PRSS21: variants seen among roughly 807,000 people sequenced by gnomAD.
PRSS21 encodes the protein serine protease 21.
A neutral mutation model predicts 31.1 loss-of-function variants in PRSS21; 40 were observed. The observed-to-expected ratio is 1.29, with a 90% CI of 1.00 to 1.68. The LOEUF (loss-of-function observed/expected upper bound fraction) is 1.68, where lower values mean the gene tolerates loss of function less well. PRSS21 is among the 40% of genes most tolerant of loss of function. PRSS21 has a pLI of 0.00. For missense variants in PRSS21, 467 were observed against 412.6 expected, an observed-to-expected ratio of 1.13 and a Z score of -1.14; for synonymous variants, 186 against 167.7, an observed-to-expected ratio of 1.11 and a Z score of -0.84.
In PRSS21 at chr16:2,817,710, G is replaced by T; in HGVS notation, c.92-91G>T. Reference sequence around the variant, plus strand: ...GGGGACCCTGGGTGGGCAAAAACGTGCTTTCCCGGACGGGGTTGAAGGGGA... The same window carrying T: ...GGGGACCCTGGGTGGGCAAAAACGTTCTTTCCCGGACGGGGTTGAAGGGGA... On this transcript the variant is annotated intron_variant, in intron 2 of 5. Transcript: ENST00000005995. The surrounding 1 kb of genome is among the most constrained non-coding windows in gnomAD (Gnocchi z 4.2). 6.8e-7 allele frequency: 1 copy of T among 1,477,776 alleles called. No individual in the cohort carries two copies. The highest frequency in any genetic ancestry group is 1.3e-5 in the South Asian group (1 of 77,002). 91.5% of individuals were successfully genotyped at this position (1,477,776 alleles called of 1,614,324 possible). A position where few individuals can be genotyped will look rare whatever the true frequency, so the allele number is the denominator to read the frequency against.
intron 4 of PRSS21, among the ~76,000 whole-genome samples, chr16:2,819,319 G>A (rs905393096): frequency 3.9e-5 from 6 of 152,070 alleles, no homozygotes; most frequent in East Asian, 1.9e-4. Context: ...CAGGCTCCTG[G>A]GCTGCCTCTC....
intron 4 of PRSS21, 36 bp from the exon 5 acceptor site, chr16:2,820,919 T>A: frequency 6.2e-7 from 1 of 1,604,332 alleles, no homozygotes; most frequent in African/African-American, 1.3e-5. Context: ...GGGCCTCAGG[T>A]TGCTGTCTCT....
In PRSS21 at chr16:2,821,460, G is replaced by A. The variant is rs373279711; in HGVS notation, c.800G>A (p.Arg267Gln). Residue 267 changes from arginine to glutamine, a missense_variant, in exon 6 of 6, where the codon CGG (arginine) becomes CAG (glutamine). Physicochemically the swap from Arg to Gln is conservative, Grantham distance 43. Transcript: ENST00000005995. Reference protein sequence around the residue: ...SWGVGCGRPNRPGVYTNISHH... With the variant: ...SWGVGCGRPNQPGVYTNISHH... ...GGAGTGGGCTGTGGTCGGCCCAATC[G>A]GCCCGGTGTCTACACCAATATCAGC... 1.2e-5 allele frequency: 19 copies of A among 1,614,082 alleles called. No individual in the cohort carries two copies. The highest frequency in any genetic ancestry group is 2.2e-5 in the East Asian group (1 of 44,886).
Position 2,817,650 on chromosome 16 carries a change from T to C in PRSS21, c.92-151T>C. On this transcript the variant is annotated intron_variant, in intron 2 of 5. Transcript: ENST00000005995. The surrounding 1 kb of genome is among the most constrained non-coding windows in gnomAD (Gnocchi z 4.2). The stretch of plus-strand genomic sequence containing the variant: ...GCCCTGCAGAGCACGTGGGAGGATC[T>C]CCAGTGTCACCTACTTCCTGCTGCA... 7.9e-7 allele frequency: 1 copy of C among 1,265,344 alleles called. No homozygotes were observed. The allele number at this position is 1,265,344 out of a possible 1,614,324, so 78.4% of individuals were successfully genotyped here. A position where few individuals can be genotyped will look rare whatever the true frequency, so the allele number is the denominator to read the frequency against.
chr16:2,817,334 T>C lies in PRSS21; in HGVS notation c.64+2T>C, dbSNP rs371356848. The C allele has an allele frequency of 6.6e-5, 103 of 1,553,970 alleles. No homozygotes were observed. The African/African-American group carries it at 1.1e-3, about 17-fold the overall frequency. On this transcript the variant is annotated splice_donor_variant, in intron 1 of 5. Coordinates refer to ENST00000005995, the MANE Select transcript of PRSS21 (RefSeq NM_006799.4). LOFTEE classifies it high-confidence loss of function. This position sits in a 1 kb window ranked among gnomAD's most constrained non-coding sequence, Gnocchi z 4.2. ...CTCGGGCTGGACTCAGGAAGCCGGG[T>C]GAGCTCGGGGCGCTGCTGGCGGGAT... is the stretch of plus-strand genomic sequence containing the variant.
At position 2,817,751 on chromosome 16, in the gene PRSS21, G is replaced by A. The variant is rs1314568251; in HGVS notation, c.92-50G>A. On this transcript the variant is annotated intron_variant, in intron 2 of 5. Transcript: ENST00000005995. This position sits in a 1 kb window ranked among gnomAD's most constrained non-coding sequence, Gnocchi z 4.2. ...TTGAAGGGGAGAAAGGGAGAGGTCG[G>A]GCTTGGGGGGCTGCCTCCCGCGGCT... 1 of 1,536,042 alleles carries A rather than the reference G, an allele frequency of 6.5e-7. No homozygotes were observed.
Position 2,821,103 on chromosome 16 carries a change from C to T in PRSS21, c.699C>T (p.Ala233=), listed in dbSNP as rs1316583897. The T allele has an allele frequency of 6.2e-7, 1 of 1,613,986 alleles. No individual in the cohort carries two copies. The highest frequency in any genetic ancestry group is 8.5e-7 in the Non-Finnish European group (1 of 1,179,984). ...GCAATGCCCAAGGCGGGAAGGATGC[C>T]TGCTTCGTGAGTGTCCTTGCCACCA... ...CAGNAQGGKD[A]CFGDSGGPLA... is the part of the protein sequence containing the mutation. The change falls in exon 5 of 6, where the codon GCC becomes GCT. Residue 233 remains alanine (A), a synonymous_variant. Coordinates refer to ENST00000005995, the MANE Select transcript of PRSS21 (RefSeq NM_006799.4).
chr16:2,821,191 G>T, intron 5 of PRSS21, 82 bp downstream of exon 5: 1 of 1,576,094 alleles, frequency 6.3e-7, no homozygotes, highest in East Asian at 2.2e-5. Context: ...CCAACCCCGG[G>T]AGGTGGAGAC....
chr16:2,817,602 G>A lies in PRSS21; in HGVS notation c.91+146G>A, dbSNP rs2069098196. 2 of 1,328,572 alleles carry A rather than the reference G, an allele frequency of 1.5e-6. No homozygotes were observed. The highest frequency in any genetic ancestry group is 2.0e-6 in the Non-Finnish European group (2 of 989,848). The allele number at this position is 1,328,572 out of a possible 1,614,324, so 82.3% of individuals were successfully genotyped here. ...TCTGTTGGCGTGGAAAGTAACTAAC[G>A]GACGCTGGAGGGGGATGGGCGGGCC... On this transcript the variant is annotated intron_variant, in intron 2 of 5. Coordinates refer to ENST00000005995, the MANE Select transcript of PRSS21 (RefSeq NM_006799.4). This position sits in a 1 kb window ranked among gnomAD's most constrained non-coding sequence, Gnocchi z 4.2.
At position 2,818,809 on chromosome 16, in the gene PRSS21, C is replaced by T; in HGVS notation, c.390C>T (p.Tyr130=). 2 of 1,613,812 alleles carry T rather than the reference C, an allele frequency of 1.2e-6. No homozygotes were observed. Among genetic ancestry groups the T allele is most frequent in the Non-Finnish European group, 1.7e-6 (2 of 1,179,644 alleles). The change falls in exon 4 of 6, where the codon TAC becomes TAT. Residue 130 remains tyrosine, a synonymous_variant. Coordinates refer to ENST00000005995, the MANE Select transcript of PRSS21 (RefSeq NM_006799.4). The stretch of plus-strand genomic sequence containing the variant: ...CGAATATCTATCTGAGCCCTCGCTA[C>T]CTGGGGAATTCACCCTATGACATTG... The part of the protein sequence containing the change: ...FVSNIYLSPR[Y]LGNSPYDIAL...
chr16:2,821,654 G>A lies in PRSS21; in HGVS notation c.*49G>A, dbSNP rs1475852007. Reference sequence around the variant, plus strand: ...GGGGCCACTGCCAAGTCAGGCCCTGGTTCTCTTCTGTCTTGTTTGGTAATA... The same window carrying A: ...GGGGCCACTGCCAAGTCAGGCCCTGATTCTCTTCTGTCTTGTTTGGTAATA... On this transcript the variant is annotated 3_prime_UTR_variant, in exon 6 of 6. Transcript: ENST00000005995. 1 of 1,582,424 alleles carries A rather than the reference G, an allele frequency of 6.3e-7. No individual in the cohort carries two copies. The highest frequency in any genetic ancestry group is 2.2e-5 in the East Asian group (1 of 44,460).
At chr16:2,818,532 TG>T in intron 3 of PRSS21, 144 bp from the exon 4 acceptor site, 1 of 796,826 alleles carries the variant, frequency 1.3e-6, no homozygotes. Flanking sequence ...GTGGTCTGTC[TG>T]GGCTCCTTCA....
Position 2,817,946 on chromosome 16 carries a change from G to C in PRSS21, c.237G>C (p.Thr79=), listed in dbSNP as rs768155804. 1.3e-6 allele frequency: 2 copies of C among 1,549,106 alleles called. No homozygotes were observed. Among genetic ancestry groups the C allele is most frequent in the African/African-American group, 1.4e-5 (1 of 73,160 alleles). Residue 79 remains threonine (T), a synonymous_variant, in exon 3 of 6, where the codon ACG becomes ACC. Coordinates refer to ENST00000005995, the MANE Select transcript of PRSS21 (RefSeq NM_006799.4). This position sits in a 1 kb window ranked among gnomAD's most constrained non-coding sequence, Gnocchi z 4.2. Reference sequence around the variant, plus strand: ...TGCTCAGCCACCGCTGGGCACTCACGGCGGCGCACTGCTTTGAAACGTGAG... The same window carrying C: ...TGCTCAGCCACCGCTGGGCACTCACCGCGGCGCACTGCTTTGAAACGTGAG... ...VSLLSHRWAL[T]AAHCFETYSD...
chr16:2,818,988 G>A lies in PRSS21; in HGVS notation c.550+19G>A, dbSNP rs368468704. On this transcript the variant is annotated intron_variant, in intron 4 of 5. Coordinates refer to ENST00000005995, the MANE Select transcript of PRSS21 (RefSeq NM_006799.4). ...GATGAGGGTGAGGCTGGGGACAGGC[G>A]GGTCAGGGAGGAACTGTCTTTGTTC... 64 of 1,611,106 alleles carry A rather than the reference G, an allele frequency of 4.0e-5. No homozygotes were observed. The highest frequency in any genetic ancestry group is 1.2e-4 in the Admixed American group (7 of 59,932).
chr16:2,817,726 T>G lies in PRSS21; in HGVS notation c.92-75T>G. 6.6e-7 allele frequency: 1 copy of G among 1,505,562 alleles called. No individual in the cohort carries two copies. The highest frequency in any genetic ancestry group is 8.9e-7 in the Non-Finnish European group (1 of 1,122,386). 93.3% of individuals were successfully genotyped at this position (1,505,562 alleles called of 1,614,324 possible). On this transcript the variant is annotated intron_variant, in intron 2 of 5. Coordinates refer to ENST00000005995, the MANE Select transcript of PRSS21 (RefSeq NM_006799.4). This position sits in a 1 kb window ranked among gnomAD's most constrained non-coding sequence, Gnocchi z 4.2. The stretch of plus-strand genomic sequence containing the variant: ...CAAAAACGTGCTTTCCCGGACGGGG[T>G]TGAAGGGGAGAAAGGGAGAGGTCGG...
At position 2,817,597 on chromosome 16, in the gene PRSS21, C is replaced by A; in HGVS notation, c.91+141C>A. 1 of 1,353,182 alleles carries A rather than the reference C, an allele frequency of 7.4e-7. No homozygotes were observed. Among genetic ancestry groups the A allele is most frequent in the Non-Finnish European group, 9.9e-7 (1 of 1,011,968 alleles). 83.8% of individuals were successfully genotyped at this position (1,353,182 alleles called of 1,614,324 possible). ...AGAACTCTGTTGGCGTGGAAAGTAA[C>A]TAACGGACGCTGGAGGGGGATGGGC... On this transcript the variant is annotated intron_variant, in intron 2 of 5. Coordinates refer to ENST00000005995, the MANE Select transcript of PRSS21 (RefSeq NM_006799.4). The surrounding 1 kb of genome is among the most constrained non-coding windows in gnomAD (Gnocchi z 4.2).
At chr16:2,818,467 G>A (rs1178273104) in intron 3 of PRSS21, among the ~76,000 whole-genome samples, 1 of 152,198 alleles carries the variant, frequency 6.6e-6, no homozygotes, top group Non-Finnish European at 1.5e-5. Flanking sequence ...GACAGCTCTG[G>A]GAGGTGACAA....
chr16:2,818,585 C>T, intron 3 of PRSS21, 92 bp from the exon 4 acceptor site: 2 of 1,322,916 alleles, frequency 1.5e-6, no homozygotes, highest in Non-Finnish European at 2.1e-6. Flanking sequence ...AGCAGCAACA[C>T]CACAGTTTCC....
Position 2,818,777 on chromosome 16 carries a change from T to C in PRSS21, c.358T>C (p.Phe120Leu). ...CCTGCAGGCCTACTACACCCGTTACTTCGTATCGAATATCTATCTGAGCCC... is the reference window on the plus strand; with the variant it reads ...CCTGCAGGCCTACTACACCCGTTACCTCGTATCGAATATCTATCTGAGCCC... ...WSLQAYYTRY[F>L]VSNIYLSPRY... The change falls in exon 4 of 6, where the codon TTC becomes CTC. Residue 120 changes from phenylalanine (F) to leucine (L), a missense_variant. Coordinates refer to ENST00000005995, the MANE Select transcript of PRSS21 (RefSeq NM_006799.4). 1 of 1,613,616 alleles carries C rather than the reference T, an allele frequency of 6.2e-7. No individual in the cohort carries two copies. Among genetic ancestry groups the C allele is most frequent in the Non-Finnish European group, 8.5e-7 (1 of 1,179,466 alleles).
Sources: allele counts gnomAD v4.1 joint callset (sites outside exome capture counted in the v4.1 genomes callset), GRCh38; gene constraint gnomAD v4.1.1; non-coding constraint Gnocchi (gnomAD v3.1); transcripts MANE v1.5; gene names NCBI Gene and HGNC (gene_info 2026-07-23, HGNC 2026-07-21).